The following ELK4 variants were observed in gnomAD, a reference collection of about 807,000 sequenced individuals.
The protein encoded by ELK4 is ETS transcription factor ELK4.
A neutral mutation model predicts 29.6 loss-of-function variants in ELK4; 16 were observed. The ratio of observed to expected loss-of-function variants is 0.54; its 90% CI spans 0.37 to 0.82. ELK4 has a LOEUF of 0.82. Among genes scored for constraint, ELK4 ranks in the 40% least tolerant of loss-of-function variants. The probability of loss-of-function intolerance (pLI) is 0.00; values close to 1 mark genes in which losing one functional copy is unlikely to be tolerated. For synonymous variants in ELK4, 213 were observed against 191.1 expected (o/e 1.11, Z -0.95); for missense variants, 465 against 507.1 (o/e 0.92, Z 0.80).
intron 2 of ELK4, among the ~76,000 whole-genome samples, chr1:205,623,066 G>A (rs1670379734): frequency 6.6e-6 from 1 of 150,826 alleles, no homozygotes; most frequent in South Asian, 2.1e-4. Context: ...GCTGAGACAG[G>A]AGAATAGCTT....
rs1483761140 is a variant in ELK4, at chr1:205,611,798, T to C, written c.*4748A>G. ...CCAAACTTGTTTTCATACCTAAGAA[T>C]GGCACCTAAGCACGATTCTAGACTC... On this transcript the variant is annotated 3_prime_UTR_variant, in exon 5 of 5. Coordinates refer to ENST00000357992, the MANE Select transcript of ELK4 (RefSeq NM_001973.4). The C allele has an allele frequency of 1.5e-5, 3 of 194,262 alleles. No individual in the cohort carries two copies. Among genetic ancestry groups the C allele is most frequent in the Admixed American group, 1.2e-4 (2 of 16,386 alleles). The allele number at this position is 194,262 out of a possible 1,614,324, so 12.0% of individuals were successfully genotyped here. A position where few individuals can be genotyped will look rare whatever the true frequency, so the allele number is the denominator to read the frequency against.
intron 1 of ELK4, among the ~76,000 whole-genome samples, chr1:205,624,135 A>T (rs939853855): frequency 6.6e-6 from 1 of 152,232 alleles, no homozygotes; most frequent in African/African-American, 2.4e-5. Context: ...ATCTGGACCC[A>T]GAATCCAAAC....
At chr1:205,630,567 T>C (rs1406168271) in intron 1 of ELK4, among the ~76,000 whole-genome samples, 1 of 152,186 alleles carries the variant, frequency 6.6e-6, no homozygotes, top group East Asian at 1.9e-4. Flanking sequence ...TGTCAAAAAG[T>C]AACCAAAAGT....
At chr1:205,629,620 G>A (rs1253460745) in intron 1 of ELK4, among the ~76,000 whole-genome samples, 2 of 152,088 alleles carry the variant, frequency 1.3e-5, no homozygotes, top group Non-Finnish European at 2.9e-5. Flanking sequence ...GGGAGGCTGA[G>A]GCAGAAGAAT....
rs1033642109 is a variant in ELK4 at position 205,615,641 on chromosome 1, C to T, written c.*905G>A. On this transcript the variant is annotated 3_prime_UTR_variant, in exon 5 of 5. Transcript: ENST00000357992. The stretch of plus-strand genomic sequence containing the variant: ...TACATGTTGTTTCAAGTTATCTGAT[C>T]GAATCTTTTACTCAGAGATGTTTCA... 1.8e-4 allele frequency: 36 copies of T among 203,136 alleles called. No individual in the cohort carries two copies. The highest frequency in any genetic ancestry group is 8.0e-4 in the African/African-American group (35 of 43,650). The allele number at this position is 203,136 out of a possible 1,614,324, so 12.6% of individuals were successfully genotyped here.
intron 1 of ELK4, among the ~76,000 whole-genome samples, chr1:205,629,100 G>C (rs1015594198): frequency 1.6e-4 from 24 of 147,802 alleles, no homozygotes; most frequent in African/African-American, 6.1e-4. Flanking sequence ...GAACCCGAGA[G>C]GCGGAGCTTG....
intron 1 of ELK4, chr1:205,625,915 G>T: frequency 1.3e-6 from 1 of 742,886 alleles, no homozygotes; most frequent in Non-Finnish European, 2.5e-6. Flanking sequence ...CTGACCTCAT[G>T]ATCCGCCTGC....
chr1:205,618,417 G>A (rs1670272372), intron 4 of ELK4, among the ~76,000 whole-genome samples: 1 of 151,944 alleles, frequency 6.6e-6, no homozygotes, highest in Admixed American at 6.6e-5. Context: ...ACAATTCTTG[G>A]TCTAACTCAA....
rs1670167692 is a variant in ELK4 at position 205,612,535 on chromosome 1, A to G, written c.*4011T>C. On this transcript the variant is annotated 3_prime_UTR_variant, in exon 5 of 5. Coordinates refer to ENST00000357992, the MANE Select transcript of ELK4 (RefSeq NM_001973.4). Reference sequence around the variant, plus strand: ...AAAGTTTTTATGTTCAATAACTCTTACTGATCAATTTGTGTGTTCAAAAAG... The same window carrying G: ...AAAGTTTTTATGTTCAATAACTCTTGCTGATCAATTTGTGTGTTCAAAAAG... 1 of 213,444 alleles carries G rather than the reference A, an allele frequency of 4.7e-6. No homozygotes were observed. Among genetic ancestry groups the G allele is most frequent in the South Asian group, 1.9e-4 (1 of 5,368 alleles). 13.2% of individuals were successfully genotyped at this position (213,444 alleles called of 1,614,324 possible). A position where few individuals can be genotyped will look rare whatever the true frequency, so the allele number is the denominator to read the frequency against.
At chr1:205,627,909 A>C (rs1670499188) in intron 1 of ELK4, among the ~76,000 whole-genome samples, 1 of 152,230 alleles carries the variant, frequency 6.6e-6, no homozygotes, top group Non-Finnish European at 1.5e-5. Context: ...TAAAGGATAG[A>C]AAGGGAGAGA....
chr1:205,628,856 G>C (rs1455711524), intron 1 of ELK4, among the ~76,000 whole-genome samples: 1 of 132,800 alleles, frequency 7.5e-6, no homozygotes, highest in African/African-American at 2.8e-5. Context: ...GTCTACGATA[G>C]AAGGTTGAGG....
intron 2 of ELK4, among the ~76,000 whole-genome samples, chr1:205,622,751 C>T (rs1175800812): frequency 6.6e-6 from 1 of 152,182 alleles, no homozygotes; most frequent in Non-Finnish European, 1.5e-5. Context: ...TCTCAAATTG[C>T]CTTTGTCATA....
chr1:205,614,319 C>T lies in ELK4; in HGVS notation c.*2227G>A, dbSNP rs893147163. The T allele has an allele frequency of 4.5e-6, 1 of 223,428 alleles. No homozygotes were observed. The highest frequency in any genetic ancestry group is 8.9e-6 in the Non-Finnish European group (1 of 112,110). 13.8% of individuals were successfully genotyped at this position (223,428 alleles called of 1,614,324 possible). A position where few individuals can be genotyped will look rare whatever the true frequency, so the allele number is the denominator to read the frequency against. On this transcript the variant is annotated 3_prime_UTR_variant, in exon 5 of 5. Coordinates refer to ENST00000357992, the MANE Select transcript of ELK4 (RefSeq NM_001973.4). ...TCCTTTAATTCAAAAAGATAAAATA[C>T]CTTTGTGCTTTCAAAATTTAACACA...
In ELK4 at chr1:205,616,322, G is replaced by C. The variant is rs770401498; in HGVS notation, c.*224C>G. The C allele has an allele frequency of 2.4e-6, 1 of 421,230 alleles. No individual in the cohort carries two copies. The highest frequency in any genetic ancestry group is 2.0e-5 in the African/African-American group (1 of 50,882). The allele number at this position is 421,230 out of a possible 1,614,324, so 26.1% of individuals were successfully genotyped here. A position where few individuals can be genotyped will look rare whatever the true frequency, so the allele number is the denominator to read the frequency against. On this transcript the variant is annotated 3_prime_UTR_variant, in exon 5 of 5. Transcript: ENST00000357992. ...GAAAGAAAAAGAAAAGGAAAAGACA[G>C]AGGGAGGTGGAGTTTAGACTCCAAT... is the stretch of plus-strand genomic sequence containing the variant.
intron 1 of ELK4, among the ~76,000 whole-genome samples, chr1:205,630,902 A>G (rs1670569915): frequency 6.6e-6 from 1 of 152,252 alleles, no homozygotes; most frequent in Non-Finnish European, 1.5e-5. Flanking sequence ...TGGACAAACC[A>G]TTCTGATGAG....
At position 205,631,634 on chromosome 1, in the gene ELK4, A is replaced by G. The variant is rs1670592741; in HGVS notation, c.-12T>C. On this transcript the variant is annotated splice_region_variant and 5_prime_UTR_variant, in exon 1 of 5. Coordinates refer to ENST00000357992, the MANE Select transcript of ELK4 (RefSeq NM_001973.4). ...GGCGCGCGGGGCTGACCGCTCACCG[A>G]CGCCGCGCGCGGGGCTCCCCCTCGG... 2 of 321,554 alleles carry G rather than the reference A, an allele frequency of 6.2e-6. No homozygotes were observed. The highest frequency in any genetic ancestry group is 1.3e-5 in the Non-Finnish European group (2 of 155,080). The allele number at this position is 321,554 out of a possible 1,614,324, so 19.9% of individuals were successfully genotyped here.
rs191206783 is a variant in ELK4, at chr1:205,614,931, A to G, written c.*1615T>C. 1.4e-5 allele frequency: 3 copies of G among 216,878 alleles called. No individual in the cohort carries two copies. Among genetic ancestry groups the G allele is most frequent in the African/African-American group, 4.5e-5 (2 of 44,506 alleles). 13.4% of individuals were successfully genotyped at this position (216,878 alleles called of 1,614,324 possible). On this transcript the variant is annotated 3_prime_UTR_variant, in exon 5 of 5. Transcript: ENST00000357992. The stretch of plus-strand genomic sequence containing the variant: ...TTCAAAAGACTCCACTGTGATACTG[A>G]TATCAATTCAGTTTGGGGAACCAAC...
intron 2 of ELK4, among the ~76,000 whole-genome samples, chr1:205,621,173 G>A (rs1385096756): frequency 8.2e-6 from 1 of 122,644 alleles, no homozygotes; most frequent in East Asian, 2.7e-4. Flanking sequence ...CCAGCCTGGT[G>A]ACAGAGCAAG....
At chr1:205,631,423 C>G (rs1311015743) in intron 1 of ELK4, among the ~76,000 whole-genome samples, 1 of 136,644 alleles carries the variant, frequency 7.3e-6, no homozygotes, top group Non-Finnish European at 1.6e-5. Context: ...CAAGAGGCGA[C>G]GAGAGCTGAG....
Sources: allele counts gnomAD v4.1 joint callset (sites outside exome capture counted in the v4.1 genomes callset), GRCh38; gene constraint gnomAD v4.1.1; transcripts MANE v1.5; gene names NCBI Gene and HGNC (gene_info 2026-07-23, HGNC 2026-07-21).